TAT: variants seen among roughly 807,000 people sequenced by gnomAD.
TAT encodes the protein tyrosine aminotransferase.
In TAT, 35 loss-of-function variants were observed where a neutral mutation model predicts 53.6. The observed-to-expected ratio is 0.65, with a 90% CI of 0.50 to 0.87. The LOEUF is 0.87. Ranked by LOEUF, TAT falls within the 40% of genes least tolerant of loss-of-function variation. The pLI is 0.00. For missense variants in TAT, 525 were observed against 571.8 expected, an observed-to-expected ratio of 0.92 and a Z score of 0.83; for synonymous variants, 197 against 206.5, an observed-to-expected ratio of 0.95 and a Z score of 0.39.
Position 71,570,374 on chromosome 16 carries a change from C to G in TAT, c.936G>C (p.Leu312=), listed in dbSNP as rs763776405. The change falls in exon 9 of 12, where the codon CTG becomes CTC. Residue 312 remains leucine, a synonymous_variant. Coordinates refer to ENST00000355962, the MANE Select transcript of TAT (RefSeq NM_000353.3). ...GNEIRDGLVK[L]SQRILGPCTI... Reference sequence around the variant, plus strand: ...TACAGGGTCCCAAAATGCGCTGACTCAGCTTCACCAGCCCATCTCGGATCT... The same window carrying G: ...TACAGGGTCCCAAAATGCGCTGACTGAGCTTCACCAGCCCATCTCGGATCT... 6.2e-7 allele frequency: 1 copy of G among 1,614,188 alleles called. No individual in the cohort carries two copies. Among genetic ancestry groups the G allele is most frequent in the African/African-American group, 1.3e-5 (1 of 75,030 alleles).
intron 3 of TAT, among the ~76,000 whole-genome samples, chr16:71,574,195 T>C (rs1362791799): frequency 3.3e-5 from 5 of 152,288 alleles, no homozygotes; most frequent in Non-Finnish European, 7.3e-5. Flanking sequence ...CCAAATACTC[T>C]GCACCATCTT....
Position 71,567,889 on chromosome 16 carries a change from T to TA in TAT, c.*254dup, listed in dbSNP as rs543809421. On this transcript the variant is annotated 3_prime_UTR_variant, in exon 12 of 12. Transcript: ENST00000355962. The stretch of plus-strand genomic sequence containing the variant: ...TTTCAAGAAAAAAAGAAGGAAATCT[T>TA]ACGAGAGGGAGGCAGATTAATGAAT... The TA allele has an allele frequency of 8.4e-5, 42 of 499,248 alleles. No individual in the cohort carries two copies. The East Asian group carries it at 1.5e-3, about 18-fold the overall frequency. The allele number at this position is 499,248 out of a possible 1,614,324, so 30.9% of individuals were successfully genotyped here.
chr16:71,572,682 T>C lies in TAT; in HGVS notation c.415A>G (p.Ile139Val), dbSNP rs2044211100. The change falls in exon 5 of 12, where the codon ATT (isoleucine) becomes GTT (valine). Residue 139 changes from isoleucine (I) to valine (V), a missense_variant. Transcript: ENST00000355962. ...PEAPLEAKDV[I>V]LTSGCSQAID... is the part of the protein sequence containing the mutation. ...GCTTGGCTGCAGCCACTTGTCAGAA[T>C]GACGTCCTGTGAAGGAAATAAAAGG... 5 of 1,614,084 alleles carry C rather than the reference T, an allele frequency of 3.1e-6. No homozygotes were observed. The highest frequency in any genetic ancestry group is 4.2e-6 in the Non-Finnish European group (5 of 1,180,042).
At chr16:71,573,007 G>A (rs186323457) in intron 4 of TAT, among the ~76,000 whole-genome samples, 15 of 152,204 alleles carry the variant, frequency 9.9e-5, no homozygotes, top group African/African-American at 3.4e-4. Flanking sequence ...CTGGCTCTTC[G>A]CTGACATACA....
Position 71,568,621 on chromosome 16 carries a change from G to A in TAT, c.1224+90C>T, listed in dbSNP as rs1030640043. 1.3e-5 allele frequency: 13 copies of A among 966,920 alleles called. No homozygotes were observed. In the South Asian group the frequency reaches 1.8e-4, roughly 13 times the overall value. The allele number at this position is 966,920 out of a possible 1,614,324, so 59.9% of individuals were successfully genotyped here. On this transcript the variant is annotated intron_variant, in intron 11 of 11. Coordinates refer to ENST00000355962, the MANE Select transcript of TAT (RefSeq NM_000353.3). ...TCAAATGAGAAGACATTTTGTTGGA[G>A]GAGAAAAGATCAGGCTAAAAACCAG... is the stretch of plus-strand genomic sequence containing the variant.
At chr16:71,568,841 C>T in intron 10 of TAT, 32 bp from the exon 11 acceptor site, 2 of 1,565,366 alleles carry the variant, frequency 1.3e-6, no homozygotes, top group South Asian at 1.1e-5. Flanking sequence ...GCCAACTTAT[C>T]AGAAGGAGGG....
Position 71,576,244 on chromosome 16 carries a change from C to T in TAT, c.172G>A (p.Ala58Thr). The T allele has an allele frequency of 6.2e-7, 1 of 1,614,170 alleles. No individual in the cohort carries two copies. Among genetic ancestry groups the T allele is most frequent in the South Asian group, 1.1e-5 (1 of 91,082 alleles). The stretch of plus-strand genomic sequence containing the variant: ...TTCACCTTCATGTTGTCCACAATGG[C>T]TCGGATGGGGTTGAAAGTTTTCTTG... The part of the protein sequence containing the change: ...MAKKTFNPIR[A>T]IVDNMKVKPN... The change falls in exon 2 of 12, where the codon GCC becomes ACC. Residue 58 changes from alanine to threonine, a missense_variant. Ala to Thr is a moderately conservative substitution (Grantham distance 58, BLOSUM62 0). Transcript: ENST00000355962.
At chr16:71,572,377 A>T in intron 5 of TAT, 53 bp from the exon 6 acceptor site, 1 of 1,612,020 alleles carries the variant, frequency 6.2e-7, no homozygotes. Context: ...TTTAGGGGGA[A>T]TCCTCACTTA....
rs140026368 is a variant in TAT, at chr16:71,570,786, C to T, written c.805G>A (p.Asp269Asn). 6.8e-6 allele frequency: 11 copies of T among 1,614,050 alleles called. No individual in the cohort carries two copies. Among genetic ancestry groups the T allele is most frequent in the South Asian group, 3.3e-5 (3 of 91,078 alleles). The change falls in exon 8 of 12, where the codon GAT (aspartate) becomes AAT (asparagine). Residue 269 changes from aspartate (D) to asparagine (N), a missense_variant. Transcript: ENST00000355962. Reference sequence around the variant, plus strand: ...CCTCCACAGGACAGGATGGGGACATCGGTGCTGAGGGTGGCCAGTGGTTCA... The same window carrying T: ...CCTCCACAGGACAGGATGGGGACATTGGTGCTGAGGGTGGCCAGTGGTTCA... ...KYEPLATLST[D>N]VPILSCGGLA...
chr16:71,571,554 C>G, intron 7 of TAT, 52 bp downstream of exon 7: 10 of 1,510,226 alleles, frequency 6.6e-6, no homozygotes, highest in Non-Finnish European at 9.2e-6. Flanking sequence ...TTCTAAAGTT[C>G]CCATAAAATA....
chr16:71,572,094 G>A, intron 6 of TAT, 92 bp downstream of exon 6: 9 of 1,553,982 alleles, frequency 5.8e-6, no homozygotes, highest in Non-Finnish European at 7.1e-6. Context: ...CCCCAGGCTT[G>A]GAACTTAGGG....
Position 71,568,301 on chromosome 16 carries a change from C to G in TAT, c.1225-17G>C. ...CTCAAAGCACTGCAAAAAGAAGAGT[C>G]TGTTACTTTCAGAGCAATTGAGTCT... On this transcript the variant is annotated splice_polypyrimidine_tract_variant and intron_variant, in intron 11 of 11. Coordinates refer to ENST00000355962, the MANE Select transcript of TAT (RefSeq NM_000353.3). The G allele has an allele frequency of 6.2e-7, 1 of 1,613,892 alleles. No individual in the cohort carries two copies. The highest frequency in any genetic ancestry group is 8.5e-7 in the Non-Finnish European group (1 of 1,179,988).
chr16:71,570,138 G>A, intron 9 of TAT, 131 bp downstream of exon 9: 1 of 1,467,078 alleles, frequency 6.8e-7, no homozygotes, highest in Non-Finnish European at 9.3e-7. Context: ...CGTGTGTGTG[G>A]ATGCTTACAC....
At chr16:71,572,117 T>G in intron 6 of TAT, 69 bp downstream of exon 6, 1 of 1,602,600 alleles carries the variant, frequency 6.2e-7, no homozygotes, top group South Asian at 1.1e-5. Context: ...TGACTGGTTT[T>G]TGTCATTTCA....
intron 3 of TAT, chr16:71,575,365 A>C (rs13338868): frequency 0.038 from 5,922 of 156,916 alleles, 369 homozygotes; most frequent in African/African-American, 0.13. Flanking sequence ...ATTTCAATCT[A>C]TCAGAAACAA....
chr16:71,571,219 G>A (rs935293675), intron 7 of TAT, among the ~76,000 whole-genome samples: 2 of 152,112 alleles, frequency 1.3e-5, no homozygotes, highest in African/African-American at 4.8e-5. Flanking sequence ...CTTCAGAAAG[G>A]CCATGTAGCA....
Position 71,572,178 on chromosome 16 carries a change from GGACGTACCTGCCAGAATCTTCTGAAGAT to G in TAT, c.686_706+7del. The stretch of plus-strand genomic sequence containing the variant: ...CACCTCGTCCTCTGTGAAGTCTGCT[GGACGTACCTGCCAGAATCTTCTGAAGAT>G]GACGTTTGCTGAACACTGACCCACA... On this transcript the variant is annotated splice_donor_variant and splice_donor_5th_base_variant and coding_sequence_variant and intron_variant, in exon 6 of 12. Coordinates refer to ENST00000355962, the MANE Select transcript of TAT (RefSeq NM_000353.3). LOFTEE classifies it high-confidence loss of function. The G allele has an allele frequency of 6.2e-7, 1 of 1,614,064 alleles. No homozygotes were observed. The highest frequency in any genetic ancestry group is 8.5e-7 in the Non-Finnish European group (1 of 1,179,920).
intron 8 of TAT, 109 bp from the exon 9 acceptor site, chr16:71,570,506 G>A: frequency 5.0e-6 from 8 of 1,590,786 alleles, no homozygotes; most frequent in South Asian, 1.1e-5. Flanking sequence ...GAAAGTGATG[G>A]TGTCTAGTGG....
chr16:71,576,375 A>C lies in TAT; in HGVS notation c.41T>G (p.Leu14Arg). 2 of 1,614,074 alleles carry C rather than the reference A, an allele frequency of 1.2e-6. No homozygotes were observed. The change falls in exon 2 of 12, where the codon CTC becomes CGC. Residue 14 changes from leucine to arginine, a missense_variant. By Grantham distance (102) the Leu-to-Arg change is moderately radical. Transcript: ENST00000355962. ...GACATGCACGTCCAGAATTGAGGGGAGGTTGCCTTTGCTGCTCATCTGAAT... is the reference window on the plus strand; with the variant it reads ...GACATGCACGTCCAGAATTGAGGGGCGGTTGCCTTTGCTGCTCATCTGAAT... ...YMIQMSSKGN[L>R]PSILDVHVNV...
Sources: allele counts gnomAD v4.1 joint callset (sites outside exome capture counted in the v4.1 genomes callset), GRCh38; gene constraint gnomAD v4.1.1; transcripts MANE v1.5; gene names NCBI Gene and HGNC (gene_info 2026-07-23, HGNC 2026-07-21).